NUDCD1: variants seen among roughly 807,000 people sequenced by gnomAD.
NUDCD1 encodes nudC domain-containing protein 1.
In NUDCD1, 60 loss-of-function variants were observed where a neutral mutation model predicts 67.8. The observed-to-expected ratio is 0.88, with a 90% CI of 0.72 to 1.10. The LOEUF (loss-of-function observed/expected upper bound fraction) is 1.10. Ranked by LOEUF, NUDCD1 falls within the 50% of genes least tolerant of loss-of-function variation. The pLI is 0.00. For synonymous variants in NUDCD1, 244 were observed against 230.8 expected (o/e 1.06, Z -0.52); for missense variants, 643 against 695.0 (o/e 0.93, Z 0.84).
At position 109,242,876 on chromosome 8, in the gene NUDCD1, G is replaced by T. The variant is rs1813398013; in HGVS notation, c.*133C>A. On this transcript the variant is annotated 3_prime_UTR_variant, in exon 10 of 10. Transcript: ENST00000239690. ...ATAATCTCTTGAATATATTTCCAATGTTATTAAAAAATAAAAAATCATACA... is the reference window on the plus strand; with the variant it reads ...ATAATCTCTTGAATATATTTCCAATTTTATTAAAAAATAAAAAATCATACA... 1.8e-5 allele frequency: 9 copies of T among 510,680 alleles called. No homozygotes were observed. Among genetic ancestry groups the T allele is most frequent in the South Asian group, 3.8e-5 (1 of 26,480 alleles). The allele number at this position is 510,680 out of a possible 1,614,324, so 31.6% of individuals were successfully genotyped here. A position where few individuals can be genotyped will look rare whatever the true frequency, so the allele number is the denominator to read the frequency against.
rs1430233075 is a variant in NUDCD1, at chr8:109,293,343, C to A, written c.640+1G>T. 1 of 1,524,514 alleles carries A rather than the reference C, an allele frequency of 6.6e-7. No homozygotes were observed. Among genetic ancestry groups the A allele is most frequent in the Non-Finnish European group, 8.8e-7 (1 of 1,131,632 alleles). The allele number at this position is 1,524,514 out of a possible 1,614,324, so 94.4% of individuals were successfully genotyped here. ...GAGACAGATTCAGACTTTTGTTTTA[C>A]CTTGATTTTTCTTACTGATAGTGAC... On this transcript the variant is annotated splice_donor_variant, in intron 4 of 9. Coordinates refer to ENST00000239690, the MANE Select transcript of NUDCD1 (RefSeq NM_032869.4). LOFTEE classifies it high-confidence loss of function.
intron 8 of NUDCD1, among the ~76,000 whole-genome samples, chr8:109,266,278 T>A (rs1311334201): frequency 1.3e-5 from 2 of 151,660 alleles, no homozygotes; most frequent in Non-Finnish European, 2.9e-5. Flanking sequence ...CAGGCCGGAG[T>A]GCAGTGGCGC....
intron 5 of NUDCD1, among the ~76,000 whole-genome samples, chr8:109,287,097 C>T (rs1191569486): frequency 6.6e-6 from 1 of 152,086 alleles, no homozygotes; most frequent in Non-Finnish European, 1.5e-5. Flanking sequence ...TATCATCTCA[C>T]ACCAGTCAGA....
At chr8:109,300,842 G>C (rs1814971660) in intron 2 of NUDCD1, among the ~76,000 whole-genome samples, 1 of 152,244 alleles carries the variant, frequency 6.6e-6, no homozygotes, top group Admixed American at 6.5e-5. Context: ...CTTAAGAGCT[G>C]TGAGACAAAA....
At chr8:109,261,123 C>T (rs941576645) in intron 8 of NUDCD1, among the ~76,000 whole-genome samples, 17 of 152,046 alleles carry the variant, frequency 1.1e-4, no homozygotes, top group African/African-American at 3.6e-4. Flanking sequence ...CTAGGGGAAA[C>T]ATATTCATTA....
chr8:109,254,206 A>C (rs1323327003), intron 8 of NUDCD1, among the ~76,000 whole-genome samples: 1 of 152,200 alleles, frequency 6.6e-6, no homozygotes, highest in Non-Finnish European at 1.5e-5. Context: ...TTTTTAAATG[A>C]AGTAGGCAAA....
Position 109,291,063 on chromosome 8 carries a change from C to A in NUDCD1, c.641-1130G>T, listed in dbSNP as rs540237655. 6.6e-5 allele frequency among the ~76,000 whole-genome samples: 10 copies of A among 152,228 alleles called. No individual in the cohort carries two copies. In the South Asian group the frequency reaches 1.9e-3, roughly 28 times the overall value. ...TCACATATTTATAGCGTGGCCTTTC[C>A]CAGCATGCATGGGACAGAAAAGAAT... On this transcript the variant is annotated intron_variant, in intron 4 of 9. Transcript: ENST00000239690.
At chr8:109,264,138 G>A (rs924650564) in intron 8 of NUDCD1, among the ~76,000 whole-genome samples, 1 of 152,138 alleles carries the variant, frequency 6.6e-6, no homozygotes, top group African/African-American at 2.4e-5. Flanking sequence ...GGAATCGTTT[G>A]AGTTGCAAAC....
At chr8:109,320,492 T>A (rs888940284) in intron 2 of NUDCD1, among the ~76,000 whole-genome samples, 1 of 152,226 alleles carries the variant, frequency 6.6e-6, no homozygotes, top group Non-Finnish European at 1.5e-5. Context: ...CCCTGAACAA[T>A]TGCTGTTATC....
At chr8:109,302,884 T>C (rs1815021423) in intron 2 of NUDCD1, among the ~76,000 whole-genome samples, 1 of 152,092 alleles carries the variant, frequency 6.6e-6, no homozygotes. Context: ...TTCCAAAAAT[T>C]AGATTCTGGC....
intron 7 of NUDCD1, among the ~76,000 whole-genome samples, chr8:109,272,568 A>G (rs941111715): frequency 1.3e-4 from 20 of 152,310 alleles, no homozygotes; most frequent in Middle Eastern, 3.4e-3. Context: ...CACAATAATT[A>G]AGGAATAAAT....
intron 2 of NUDCD1, among the ~76,000 whole-genome samples, chr8:109,301,736 GCT>G (rs1586292101): frequency 6.6e-6 from 1 of 152,114 alleles, no homozygotes; most frequent in African/African-American, 2.4e-5. Flanking sequence ...TCCAATTCCA[GCT>G]CTTTGTCCTC....
chr8:109,262,163 T>A (rs1813876718), intron 8 of NUDCD1, among the ~76,000 whole-genome samples: 1 of 152,214 alleles, frequency 6.6e-6, no homozygotes, highest in Non-Finnish European at 1.5e-5. Context: ...TTGTTTTAAG[T>A]TAATTCTACA....
intron 2 of NUDCD1, among the ~76,000 whole-genome samples, chr8:109,302,888 T>C (rs964660559): frequency 3.9e-5 from 6 of 152,174 alleles, no homozygotes; most frequent in Non-Finnish European, 8.8e-5. Context: ...AAAAATTAGA[T>C]TCTGGCCCTC....
At chr8:109,281,360 T>A (rs1221513122) in intron 5 of NUDCD1, among the ~76,000 whole-genome samples, 188 bp from the exon 6 acceptor site, 1 of 152,082 alleles carries the variant, frequency 6.6e-6, no homozygotes, top group Non-Finnish European at 1.5e-5. Context: ...AACATGAAAT[T>A]TTCCTCTTCC....
chr8:109,317,138 C>T (rs916056221), intron 2 of NUDCD1, among the ~76,000 whole-genome samples: 1 of 152,040 alleles, frequency 6.6e-6, no homozygotes, highest in African/African-American at 2.4e-5. Flanking sequence ...ATACATATTA[C>T]AAAATTACCC....
chr8:109,282,187 G>A (rs903949472), intron 5 of NUDCD1, among the ~76,000 whole-genome samples: 23 of 152,222 alleles, frequency 1.5e-4, no homozygotes, highest in Admixed American at 1.4e-3. Flanking sequence ...CCTACTCCCC[G>A]GGGCTGAGCA....
chr8:109,326,634 CTG>C (rs1335370946), intron 1 of NUDCD1, among the ~76,000 whole-genome samples: 1 of 152,134 alleles, frequency 6.6e-6, no homozygotes, highest in African/African-American at 2.4e-5. Flanking sequence ...GCTGAAAAAT[CTG>C]ATAAGGATTA....
chr8:109,263,073 A>AAAAAAAC (rs1445210934), intron 8 of NUDCD1, among the ~76,000 whole-genome samples: 2 of 150,356 alleles, frequency 1.3e-5, no homozygotes, highest in Admixed American at 6.6e-5. Flanking sequence ...AAAAAAAAAA[A>AAAAAAAC]AAAAAACCCT....
Sources: gnomAD v4.1 joint callset for allele counts (sites outside exome capture counted in the v4.1 genomes callset) on GRCh38, gnomAD v4.1.1 for gene constraint, MANE v1.5 for transcripts, NCBI Gene and HGNC (gene_info 2026-07-23, HGNC 2026-07-21) for gene names.